Variants in ADGRD1 observed in about 807,000 individuals in gnomAD.
ADGRD1 encodes adhesion G protein-coupled receptor D1, also known as G-protein coupled receptor 133.
Under a neutral mutation model 113.4 loss-of-function variants are expected in ADGRD1, and 77 were observed. That is an observed-to-expected ratio of 0.68 (90% CI 0.57 to 0.82). The LOEUF is 0.82. Among genes scored for constraint, ADGRD1 ranks in the 40% least tolerant of loss-of-function variants. The pLI, the probability that ADGRD1 is intolerant of heterozygous loss-of-function variation, is 0.00. For synonymous variants in ADGRD1, 474 were observed against 475.0 expected, an observed-to-expected ratio of 1.00 and a Z score of 0.03; for missense variants, 1,036 against 1,139.1, an observed-to-expected ratio of 0.91 and a Z score of 1.30.
chr12:131,005,876 G>A, intron 11 of ADGRD1, 96 bp from the exon 12 acceptor site: 1 of 935,902 alleles, frequency 1.1e-6, no homozygotes, highest in Non-Finnish European at 1.7e-6. Flanking sequence ...TTAGGAGTGA[G>A]GGGCAGCACC....
At chr12:131,038,902 G>C (rs929826724) in intron 13 of ADGRD1, among the ~76,000 whole-genome samples, 3 of 152,232 alleles carry the variant, frequency 2.0e-5, no homozygotes, top group African/African-American at 7.2e-5. Context: ...AGACTAGGTC[G>C]CAGGCCGACA....
chr12:130,989,119 A>C (rs777753593), intron 6 of ADGRD1: 1 of 152,232 alleles, frequency 6.6e-6, no homozygotes, highest in South Asian at 2.1e-4. Flanking sequence ...CTCTCCTAGC[A>C]CTGACAGAGG....
chr12:130,977,844 G>C (rs1028793022), intron 4 of ADGRD1: 6 of 152,384 alleles, frequency 3.9e-5, no homozygotes, highest in African/African-American at 9.6e-5. Flanking sequence ...GGCATGTGTT[G>C]ATCATGCTCT....
chr12:131,040,734 C>T (rs1882042505), intron 13 of ADGRD1, among the ~76,000 whole-genome samples: 1 of 152,236 alleles, frequency 6.6e-6, no homozygotes, highest in South Asian at 2.1e-4. Context: ...GTGCCAGCCT[C>T]AGGGGCTGCT....
intron 13 of ADGRD1, among the ~76,000 whole-genome samples, chr12:131,028,922 C>G (rs1427707740): frequency 1.3e-5 from 2 of 152,198 alleles, no homozygotes; most frequent in East Asian, 3.9e-4. Flanking sequence ...TGATGCGCGT[C>G]GTGAAACTGC....
chr12:130,967,053 T>G (rs1314936289), intron 3 of ADGRD1: 3 of 455,528 alleles, frequency 6.6e-6, no homozygotes, highest in Non-Finnish European at 1.3e-5. Flanking sequence ...AGGATGCCTC[T>G]ATGTGCAAGT....
At chr12:131,063,028 C>T (rs1204273430) in intron 13 of ADGRD1, among the ~76,000 whole-genome samples, 3 of 152,088 alleles carry the variant, frequency 2.0e-5, no homozygotes, top group Non-Finnish European at 4.4e-5. Context: ...TCTGGATATT[C>T]TCGTCAATAA....
chr12:131,118,515 C>T (rs1950519336), intron 19 of ADGRD1, 64 bp downstream of exon 19: 3 of 1,248,862 alleles, frequency 2.4e-6, no homozygotes, highest in Non-Finnish European at 2.3e-6. Context: ...GGCGAGAGCC[C>T]CGTGGCTCTT....
intron 8 of ADGRD1, among the ~76,000 whole-genome samples, chr12:130,992,868 C>T (rs1020549246): frequency 5.9e-5 from 9 of 152,210 alleles, no homozygotes; most frequent in Non-Finnish European, 1.3e-4. Flanking sequence ...TCTCTTTCTG[C>T]TCCTCCAAAT....
chr12:130,954,707 A>G lies in ADGRD1; in HGVS notation c.103+47A>G. 1.3e-6 allele frequency: 2 copies of G among 1,557,700 alleles called. No homozygotes were observed. The highest frequency in any genetic ancestry group is 1.8e-6 in the Non-Finnish European group (2 of 1,130,124). ...TCTGAGCACCGCTCTCCCCCTGCCT[A>G]GTGCAGGTATCTCAGGAACAGCCCA... On this transcript the variant is annotated intron_variant, in intron 2 of 24. Coordinates refer to ENST00000261654, the MANE Select transcript of ADGRD1 (RefSeq NM_198827.5). This position sits in a 1 kb window ranked among gnomAD's most constrained non-coding sequence, Gnocchi z 4.7.
intron 13 of ADGRD1, chr12:131,026,405 G>C (rs140714348): frequency 5.3e-5 from 8 of 152,094 alleles, no homozygotes; most frequent in African/African-American, 1.2e-4. Context: ...GCAATCGTCT[G>C]TCCGATCTCT....
chr12:130,991,350 G>A (rs1746724436), intron 7 of ADGRD1, among the ~76,000 whole-genome samples: 1 of 152,172 alleles, frequency 6.6e-6, no homozygotes, highest in Non-Finnish European at 1.5e-5. Flanking sequence ...GGCGCCGTGA[G>A]TGGGGAGTGA....
chr12:130,987,086 C>A lies in ADGRD1; in HGVS notation c.491-9C>A. 6.2e-7 allele frequency: 1 copy of A among 1,613,072 alleles called. No individual in the cohort carries two copies. The highest frequency in any genetic ancestry group is 8.5e-7 in the Non-Finnish European group (1 of 1,179,090). On this transcript the variant is annotated splice_polypyrimidine_tract_variant and intron_variant, in intron 5 of 24. Coordinates refer to ENST00000261654, the MANE Select transcript of ADGRD1 (RefSeq NM_198827.5). ...AGTACTCAGAATGGCGATCTTCACT[C>A]TTTTCCAGGCCCCTATTGGACTCAT...
intron 8 of ADGRD1, among the ~76,000 whole-genome samples, chr12:130,992,853 T>C (rs1351973449): frequency 6.6e-6 from 1 of 152,226 alleles, no homozygotes; most frequent in Non-Finnish European, 1.5e-5. Flanking sequence ...AAAATCAAGA[T>C]GGTTTCTCTT....
chr12:131,090,952 C>G (rs114182047), intron 15 of ADGRD1, among the ~76,000 whole-genome samples: 2,538 of 152,298 alleles, frequency 0.017, 81 homozygotes, highest in African/African-American at 0.058. Context: ...ATGTGAGTCA[C>G]AGAAACATGG....
At position 131,094,067 on chromosome 12, in the gene ADGRD1, GGCACCCAGCCCTGA is replaced by G. The variant is rs1887108990; in HGVS notation, c.1671+9413_1671+9426del. On this transcript the variant is annotated intron_variant, in intron 15 of 24. Coordinates refer to ENST00000261654, the MANE Select transcript of ADGRD1 (RefSeq NM_198827.5). The stretch of plus-strand genomic sequence containing the variant: ...GTCCCCAGCCTCAGCACCCAGCCTC[GGCACCCAGCCCTGA>G]GCACCCAGTCTCAGCACCCAGCCCT... 1.5e-5 allele frequency among the ~76,000 whole-genome samples: 2 copies of G among 132,094 alleles called. 1 individual carries two copies. Among genetic ancestry groups the G allele is most frequent in the African/African-American group, 5.8e-5 (2 of 34,376 alleles). The allele number at this position is 132,094 out of a possible 152,430, so 86.7% of individuals were successfully genotyped here.
intron 9 of ADGRD1, chr12:131,002,818 T>C: frequency 1.6e-6 from 2 of 1,235,958 alleles, no homozygotes; most frequent in Non-Finnish European, 2.1e-6. Context: ...GATCAGCCCC[T>C]CCTCGTGAAG....
chr12:131,111,595 C>T (rs981361026), intron 18 of ADGRD1, among the ~76,000 whole-genome samples: 2 of 150,882 alleles, frequency 1.3e-5, no homozygotes, highest in Non-Finnish European at 3.0e-5. Flanking sequence ...GCTTCTAAGA[C>T]TCTTGATTTT....
intron 9 of ADGRD1, chr12:131,002,687 G>T (rs1305838784): frequency 8.4e-7 from 1 of 1,184,488 alleles, no homozygotes; most frequent in African/African-American, 1.6e-5. Context: ...TAGAAGGCAA[G>T]CTCCTGGGAA....
Sources: allele counts gnomAD v4.1 joint callset (sites outside exome capture counted in the v4.1 genomes callset), GRCh38; gene constraint gnomAD v4.1.1; non-coding constraint Gnocchi (gnomAD v3.1); transcripts MANE v1.5; gene names NCBI Gene and HGNC (gene_info 2026-07-23, HGNC 2026-07-21).